Variants in PLCL2 observed in about 807,000 individuals in gnomAD.
The protein encoded by PLCL2 is phospholipase C like 2.
Under a neutral mutation model 79.6 loss-of-function variants are expected in PLCL2, and 4 were observed. That is an observed-to-expected ratio of 0.05 (90% CI 0.02 to 0.11). The LOEUF (loss-of-function observed/expected upper bound fraction) is 0.11. PLCL2 is among the 10% of genes least tolerant of loss of function. The probability of loss-of-function intolerance (pLI) is 1.00; values close to 1 mark genes in which losing one functional copy is unlikely to be tolerated. For missense variants in PLCL2, 895 were observed against 1,291.0 expected (o/e 0.69, Z 4.70); for synonymous variants, 484 against 457.7 (o/e 1.06, Z -0.73).
chr3:17,009,876 C>T lies in PLCL2; in HGVS notation c.530C>T (p.Ser177Phe). Reference protein sequence around the residue: ...ADMQSLRWEPSKKDSEKAKID... With the variant: ...ADMQSLRWEPFKKDSEKAKID... ...ATGCAGAGCCTAAGGTGGGAGCCAT[C>T]TAAGAAGGATTCTGAGAAAGCCAAG... Residue 177 changes from serine (S) to phenylalanine (F), a missense_variant, in exon 2 of 6, where the codon TCT becomes TTT. Transcript: ENST00000615277. This position sits in a 1 kb window ranked among gnomAD's most constrained non-coding sequence, Gnocchi z 4.0. The T allele has an allele frequency of 6.2e-7, 1 of 1,612,872 alleles. No individual in the cohort carries two copies. The highest frequency in any genetic ancestry group is 8.5e-7 in the Non-Finnish European group (1 of 1,178,964).
At chr3:16,996,518 A>G (rs183798506) in intron 1 of PLCL2, among the ~76,000 whole-genome samples, 1 of 152,294 alleles carries the variant, frequency 6.6e-6, no homozygotes, top group East Asian at 1.9e-4. Flanking sequence ...GCTATATATG[A>G]TTCCAAATTC....
At chr3:16,959,400 G>A (rs139166401) in intron 1 of PLCL2, among the ~76,000 whole-genome samples, 64 of 152,068 alleles carry the variant, frequency 4.2e-4, no homozygotes, top group African/African-American at 9.2e-4. Context: ...TATTTCTTGC[G>A]TTGACCTTTC....
chr3:17,042,694 G>T, intron 3 of PLCL2, 180 bp from the exon 4 acceptor site: 1 of 562,650 alleles, frequency 1.8e-6, no homozygotes. Context: ...TAACCATTAT[G>T]TGGGGATGTG....
At position 16,885,153 on chromosome 3, in the gene PLCL2, G is replaced by A. The variant is rs1347960253; in HGVS notation, c.114G>A (p.Gly38=). 4 of 520,664 alleles carry A rather than the reference G, an allele frequency of 7.7e-6. No homozygotes were observed. The highest frequency in any genetic ancestry group is 4.0e-5 in the African/African-American group (2 of 49,982). The allele number at this position is 520,664 out of a possible 1,614,324, so 32.3% of individuals were successfully genotyped here. A position where few individuals can be genotyped will look rare whatever the true frequency, so the allele number is the denominator to read the frequency against. Residue 38 remains glycine, a synonymous_variant, in exon 1 of 6, where the codon GGG becomes GGA. Coordinates refer to ENST00000615277, the MANE Select transcript of PLCL2 (RefSeq NM_001144382.2). ...CCGGAGTGGGGGAAGGCGGTGGCGG[G>A]GGAGGTCGCCTCGGCCACGGGCGGG... ...LKAGVGEGGG[G]GGRLGHGRAR... is the part of the protein sequence containing the mutation.
At chr3:17,035,739 C>T (rs1177831355) in intron 3 of PLCL2, 2 of 515,228 alleles carry the variant, frequency 3.9e-6, no homozygotes, top group African/African-American at 1.9e-5. Flanking sequence ...CTGGCCCTCA[C>T]TCCTCTTCTA....
intron 1 of PLCL2, among the ~76,000 whole-genome samples, chr3:16,885,970 TA>T (rs1474552703): frequency 6.6e-6 from 1 of 152,212 alleles, no homozygotes; most frequent in Non-Finnish European, 1.5e-5. Context: ...GCTCAGAGAT[TA>T]CAGTTCCACA....
chr3:17,090,100 C>G lies in PLCL2; in HGVS notation c.*188C>G. On this transcript the variant is annotated 3_prime_UTR_variant, in exon 6 of 6. Transcript: ENST00000615277. The stretch of plus-strand genomic sequence containing the variant: ...TCCTGCGTGTGAAGGCAAATAAACT[C>G]TTTAACAGGCAATTATATTGCTGGC... 1.5e-6 allele frequency: 2 copies of G among 1,298,866 alleles called. No homozygotes were observed. Among genetic ancestry groups the G allele is most frequent in the Non-Finnish European group, 2.0e-6 (2 of 1,024,216 alleles). The allele number at this position is 1,298,866 out of a possible 1,614,324, so 80.5% of individuals were successfully genotyped here.
At chr3:16,893,229 G>A (rs918085147) in intron 1 of PLCL2, among the ~76,000 whole-genome samples, 5 of 151,990 alleles carry the variant, frequency 3.3e-5, no homozygotes, top group Non-Finnish European at 7.4e-5. Context: ...CTTTTAGGGG[G>A]GTTAGTTTCC....
intron 1 of PLCL2, among the ~76,000 whole-genome samples, chr3:16,916,994 A>G (rs1224908628): frequency 6.6e-6 from 1 of 152,154 alleles, no homozygotes; most frequent in East Asian, 1.9e-4. Flanking sequence ...GGAGACTCAT[A>G]GTTTCCTCAG....
At chr3:16,922,785 C>T (rs1379632137) in intron 1 of PLCL2, among the ~76,000 whole-genome samples, 4 of 150,922 alleles carry the variant, frequency 2.7e-5, no homozygotes, top group Non-Finnish European at 5.9e-5. Context: ...CTAAATATAC[C>T]ACCTCAAAAG....
At chr3:17,080,251 T>G (rs773882704) in intron 5 of PLCL2, among the ~76,000 whole-genome samples, 1 of 152,082 alleles carries the variant, frequency 6.6e-6, no homozygotes, top group Non-Finnish European at 1.5e-5. Context: ...TGACTGATGA[T>G]TAGGGAGTCT....
At chr3:16,978,726 C>T (rs544745850) in intron 1 of PLCL2, among the ~76,000 whole-genome samples, 1 of 152,312 alleles carries the variant, frequency 6.6e-6, no homozygotes, top group South Asian at 2.1e-4. Context: ...TGCTCAGTTG[C>T]CAGAGGACAT....
intron 1 of PLCL2, among the ~76,000 whole-genome samples, chr3:17,005,383 T>A (rs2064251582): frequency 6.6e-6 from 1 of 152,086 alleles, no homozygotes; most frequent in Non-Finnish European, 1.5e-5. Context: ...CGTTTCAGGA[T>A]GAGAATTTAT....
Position 17,042,933 on chromosome 3 carries a change from A to G in PLCL2, c.3078A>G (p.Val1026=). ...ENADAVYEKI[V]HCQKAAMEFH... ...CAGATGCTGTATATGAAAAGATCGTACATTGTCAGAAGGCAGGTAAGTGAA... is the reference window on the plus strand; with the variant it reads ...CAGATGCTGTATATGAAAAGATCGTGCATTGTCAGAAGGCAGGTAAGTGAA... Residue 1026 remains valine, a synonymous_variant, in exon 4 of 6, where the codon GTA becomes GTG. Coordinates refer to ENST00000615277, the MANE Select transcript of PLCL2 (RefSeq NM_001144382.2). 2 of 1,610,224 alleles carry G rather than the reference A, an allele frequency of 1.2e-6. No homozygotes were observed. The highest frequency in any genetic ancestry group is 1.7e-6 in the Non-Finnish European group (2 of 1,176,568).
chr3:17,064,544 C>T (rs1312074788), intron 4 of PLCL2, among the ~76,000 whole-genome samples: 11 of 152,080 alleles, frequency 7.2e-5, no homozygotes. Flanking sequence ...GCGTATCTTT[C>T]GTCCTTGCCC....
At chr3:17,030,257 A>G (rs1217337350) in intron 3 of PLCL2, among the ~76,000 whole-genome samples, 1 of 152,164 alleles carries the variant, frequency 6.6e-6, no homozygotes, top group Non-Finnish European at 1.5e-5. Context: ...TACAATGGGC[A>G]TTAGATCACA....
chr3:17,047,376 A>G (rs977240768), intron 4 of PLCL2, among the ~76,000 whole-genome samples: 2 of 53,096 alleles, frequency 3.8e-5, no homozygotes, highest in East Asian at 1.3e-3. Context: ...GCCTGGGAGG[A>G]TGAGAGCAGG....
chr3:16,926,547 A>T (rs1697253819), intron 1 of PLCL2, among the ~76,000 whole-genome samples: 1 of 152,218 alleles, frequency 6.6e-6, no homozygotes, highest in African/African-American at 2.4e-5. Context: ...ATGTCTTAAA[A>T]TACTCTCTGA....
At chr3:17,003,936 T>C (rs2064234933) in intron 1 of PLCL2, among the ~76,000 whole-genome samples, 1 of 152,146 alleles carries the variant, frequency 6.6e-6, no homozygotes, top group Non-Finnish European at 1.5e-5. Flanking sequence ...AAACTCTTCC[T>C]GTGTCTGGCA....
Sources: allele counts gnomAD v4.1 joint callset (sites outside exome capture counted in the v4.1 genomes callset), GRCh38; gene constraint gnomAD v4.1.1; non-coding constraint Gnocchi (gnomAD v3.1); transcripts MANE v1.5; gene names NCBI Gene and HGNC (gene_info 2026-07-23, HGNC 2026-07-21).